FAT2: variants seen among roughly 807,000 people sequenced by gnomAD.
FAT2 encodes the protein protocadherin Fat 2.
A neutral mutation model predicts 295.3 loss-of-function variants in FAT2; 150 were observed. The ratio of observed to expected loss-of-function variants is 0.51; its 90% CI spans 0.44 to 0.58. The LOEUF (loss-of-function observed/expected upper bound fraction) is 0.58. Among genes scored for constraint, FAT2 ranks in the 20% least tolerant of loss-of-function variants. FAT2 has a pLI of 0.00. For missense variants in FAT2, 4,868 were observed against 5,442.7 expected (o/e 0.89, Z 3.32); for synonymous variants, 2,026 against 2,150.3 (o/e 0.94, Z 1.60).
At chr5:151,563,293 A>G (rs1471873247) in intron 3 of FAT2, 32 bp downstream of exon 3, 1 of 1,600,192 alleles carries the variant, frequency 6.2e-7, no homozygotes, top group Non-Finnish European at 8.5e-7. Flanking sequence ...CATTGTAGAG[A>G]TCCCTGTTCA....
chr5:151,545,477 G>GA lies in FAT2; in HGVS notation c.5649_5650insT (p.Pro1884SerfsTer16). The GA allele has an allele frequency of 6.2e-7, 1 of 1,614,178 alleles. No individual in the cohort carries two copies. Among genetic ancestry groups the GA allele is most frequent in the Non-Finnish European group, 8.5e-7 (1 of 1,180,024 alleles). On this transcript the variant is annotated frameshift_variant, in exon 10 of 24. Coordinates refer to ENST00000261800, the MANE Select transcript of FAT2 (RefSeq NM_001447.3). LOFTEE classifies it high-confidence loss of function. Reference sequence around the variant, plus strand: ...AGAAGCTCCATGCCTGGATGGATAGGCCCGACTATTGCTACCTCATATATC... The same window carrying GA: ...AGAAGCTCCATGCCTGGATGGATAGGACCCGACTATTGCTACCTCATATATC...
rs1036815351 is a variant in FAT2, at chr5:151,512,830, G to C, written c.11464-224C>G. The C allele has an allele frequency of 1.8e-6, 1 of 567,660 alleles. No homozygotes were observed. The highest frequency in any genetic ancestry group is 3.1e-6 in the Non-Finnish European group (1 of 318,406). 35.2% of individuals were successfully genotyped at this position (567,660 alleles called of 1,614,324 possible). On this transcript the variant is annotated intron_variant, in intron 20 of 23. Transcript: ENST00000261800. The surrounding 1 kb of genome is among the most constrained non-coding windows in gnomAD (Gnocchi z 4.1). ...CCCCATGGGATGGTCTGGGTAGGGG[G>C]TGACATCTCCATTCACAGATGAGGA...
At chr5:151,534,355 C>T in intron 13 of FAT2, 54 bp downstream of exon 13, 2 of 1,441,234 alleles carry the variant, frequency 1.4e-6, no homozygotes, top group Non-Finnish European at 1.9e-6. Flanking sequence ...CAAACCCTTG[C>T]CCAAGGTGAC....
In FAT2 at chr5:151,566,633, G is replaced by A; in HGVS notation, c.2299C>T (p.Leu767=). ...GCTACAGTGAGCAGCCCTGTCTCCAGCTCTATGTCAAAGCAGCCCTCCTCA... is the reference window on the plus strand; with the variant it reads ...GCTACAGTGAGCAGCCCTGTCTCCAACTCTATGTCAAAGCAGCCCTCCTCA... ...GNEEGCFDIE[L]ETGLLTVAAP... is the part of the protein sequence containing the mutation. Residue 767 remains leucine, a synonymous_variant, in exon 2 of 24, where the codon CTG becomes TTG. Coordinates refer to ENST00000261800, the MANE Select transcript of FAT2 (RefSeq NM_001447.3). 6.2e-7 allele frequency: 1 copy of A among 1,614,136 alleles called. No individual in the cohort carries two copies. The highest frequency in any genetic ancestry group is 8.5e-7 in the Non-Finnish European group (1 of 1,180,032).
intron 1 of FAT2, among the ~76,000 whole-genome samples, chr5:151,569,491 A>C (rs1758439841): frequency 6.6e-6 from 1 of 152,146 alleles, no homozygotes; most frequent in Non-Finnish European, 1.5e-5. Flanking sequence ...TGGGAGCCAC[A>C]ATTCAAGATG....
At position 151,549,459 on chromosome 5, in the gene FAT2, G is replaced by A. The variant is rs574495332; in HGVS notation, c.4625C>T (p.Thr1542Ile). 1 of 1,614,142 alleles carries A rather than the reference G, an allele frequency of 6.2e-7. No individual in the cohort carries two copies. The highest frequency in any genetic ancestry group is 8.5e-7 in the Non-Finnish European group (1 of 1,180,028). Residue 1542 changes from threonine (T) to isoleucine (I), a missense_variant, in exon 9 of 24, where the codon ACC (threonine) becomes ATC (isoleucine). Coordinates refer to ENST00000261800, the MANE Select transcript of FAT2 (RefSeq NM_001447.3). Reference sequence around the variant, plus strand: ...GAGGTTTCCATCCTCCACATGAATGGTCACCCACACGAAGTTCCTCTTGAT... The same window carrying A: ...GAGGTTTCCATCCTCCACATGAATGATCACCCACACGAAGTTCCTCTTGAT... ...IPIKRNFVWV[T>I]IHVEDGNLHP... is the part of the protein sequence containing the mutation.
rs1234012337 is a variant in FAT2 at position 151,529,204 on chromosome 5, C to T, written c.10000G>A (p.Ala3334Thr). 7 of 1,614,002 alleles carry T rather than the reference C, an allele frequency of 4.3e-6. No homozygotes were observed. In the African/African-American group the frequency reaches 8.0e-5, roughly 18 times the overall value. ...GTGAGGATGACGTCACCCACAAGGG[C>T]ATTCTCTAAGACCCTTGTGCTATAT... is the stretch of plus-strand genomic sequence containing the variant. Reference protein sequence around the residue: ...DPYSTRVLENALVGDVILTVS... With the variant: ...DPYSTRVLENTLVGDVILTVS... Residue 3334 changes from alanine (A) to threonine (T), a missense_variant, in exon 15 of 24, where the codon GCC becomes ACC. Ala to Thr is a moderately conservative substitution (Grantham distance 58, BLOSUM62 0). Transcript: ENST00000261800.
chr5:151,569,314 A>G (rs1387586527), intron 1 of FAT2, among the ~76,000 whole-genome samples: 1 of 152,242 alleles, frequency 6.6e-6, no homozygotes, highest in Non-Finnish European at 1.5e-5. Context: ...AAGCAAAGTC[A>G]TATCTTACTT....
chr5:151,584,363 T>G (rs1759087886), intron 1 of FAT2, among the ~76,000 whole-genome samples: 1 of 152,192 alleles, frequency 6.6e-6, no homozygotes, highest in Non-Finnish European at 1.5e-5. Flanking sequence ...TCATTGGGGC[T>G]TACTTCCTGC....
At chr5:151,537,002 A>T (rs985084605) in intron 12 of FAT2, among the ~76,000 whole-genome samples, 2 of 151,288 alleles carry the variant, frequency 1.3e-5, no homozygotes, top group Non-Finnish European at 2.9e-5. Context: ...CCTTTCCCCC[A>T]CTCTCTTACC....
In FAT2 at chr5:151,554,449, G is replaced by A. The variant is rs199632287; in HGVS notation, c.3858C>T (p.Ser1286=). ...NGRVTYSIED[S]DEEAFSIDLV... ...GGTCGATACTGAAGGCCTCCTCATC[G>A]CTGTCCTCGATACTGTAGGTGACTC... The change falls in exon 5 of 24, where the codon AGC becomes AGT. Residue 1286 remains serine (S), a synonymous_variant. Coordinates refer to ENST00000261800, the MANE Select transcript of FAT2 (RefSeq NM_001447.3). The A allele has an allele frequency of 4.5e-5, 72 of 1,614,160 alleles. No homozygotes were observed. Among genetic ancestry groups the A allele is most frequent in the South Asian group, 1.4e-4 (13 of 91,080 alleles).
intron 11 of FAT2, among the ~76,000 whole-genome samples, chr5:151,538,581 G>T (rs759814474): frequency 6.6e-6 from 1 of 152,218 alleles, no homozygotes; most frequent in Non-Finnish European, 1.5e-5. Context: ...TTCAGTGGCT[G>T]GCAGTGAGCC....
intron 1 of FAT2, among the ~76,000 whole-genome samples, chr5:151,585,738 C>T (rs1759143818): frequency 6.6e-6 from 1 of 152,202 alleles, no homozygotes; most frequent in South Asian, 2.1e-4. Flanking sequence ...CTAATATATG[C>T]TTCCAAGAGT....
At chr5:151,539,369 G>A (rs923023579) in intron 11 of FAT2, among the ~76,000 whole-genome samples, 3 of 152,212 alleles carry the variant, frequency 2.0e-5, no homozygotes, top group Non-Finnish European at 4.4e-5. Context: ...CAAGCAAGTC[G>A]AAGTTTGTAT....
At position 151,517,674 on chromosome 5, in the gene FAT2, G is replaced by A; in HGVS notation, c.11409C>T (p.Leu3803=). The A allele has an allele frequency of 6.2e-7, 1 of 1,614,200 alleles. No individual in the cohort carries two copies. The highest frequency in any genetic ancestry group is 1.7e-5 in the Admixed American group (1 of 60,024). Residue 3803 remains leucine (L), a synonymous_variant, in exon 20 of 24, where the codon CTC becomes CTT. Transcript: ENST00000261800. ...TGAATAGAAGAATGGCCTGTGGCTGGAGTGTTTTCAGATAGAAATGGATGT... is the reference window on the plus strand; with the variant it reads ...TGAATAGAAGAATGGCCTGTGGCTGAAGTGTTTTCAGATAGAAATGGATGT... ...NWHIHFYLKT[L]QPQAILLFTN...
chr5:151,551,345 G>T (rs1372161704), intron 7 of FAT2, 122 bp downstream of exon 7: 6 of 1,039,288 alleles, frequency 5.8e-6, no homozygotes, highest in African/African-American at 1.6e-5. Flanking sequence ...CAAGAACTTT[G>T]ATTCTAAATT....
rs1756489631 is a variant in FAT2 at position 151,545,053 on chromosome 5, C to G, written c.6074G>C (p.Gly2025Ala). ...VQSAGVLQTRGVAFDREQQDT... is the reference protein window; with the variant it reads ...VQSAGVLQTRAVAFDREQQDT... ...CTGCTGCTCCCGGTCAAACGCCACACCTCTTGTCTGCAACACACCTGCTGA... is the reference window on the plus strand; with the variant it reads ...CTGCTGCTCCCGGTCAAACGCCACAGCTCTTGTCTGCAACACACCTGCTGA... Residue 2025 changes from glycine (G) to alanine (A), a missense_variant, in exon 10 of 24, where the codon GGT becomes GCT. Physicochemically the swap from Gly to Ala is moderately conservative, Grantham distance 60. Transcript: ENST00000261800. 1 of 1,614,092 alleles carries G rather than the reference C, an allele frequency of 6.2e-7. No individual in the cohort carries two copies. The highest frequency in any genetic ancestry group is 8.5e-7 in the Non-Finnish European group (1 of 1,180,050).
rs757946778 is a variant in FAT2 at position 151,568,351 on chromosome 5, A to G, written c.581T>C (p.Phe194Ser). ...YYAFNTRSEM[F>S]AIHPTSGVVT... Reference sequence around the variant, plus strand: ...CACACCGCTGGTGGGATGGATGGCAAACATCTCTGACCTTGTGTTAAAGGC... The same window carrying G: ...CACACCGCTGGTGGGATGGATGGCAGACATCTCTGACCTTGTGTTAAAGGC... The change falls in exon 2 of 24, where the codon TTT (phenylalanine) becomes TCT (serine). Residue 194 changes from phenylalanine (F) to serine (S), a missense_variant. Phe to Ser is a radical substitution (Grantham distance 155). Transcript: ENST00000261800. 1.2e-6 allele frequency: 2 copies of G among 1,614,174 alleles called. No homozygotes were observed. Among genetic ancestry groups the G allele is most frequent in the Admixed American group, 1.7e-5 (1 of 60,022 alleles).
At chr5:151,550,494 T>C in intron 8 of FAT2, 96 bp downstream of exon 8, 3 of 1,384,960 alleles carry the variant, frequency 2.2e-6, no homozygotes, top group Non-Finnish European at 3.0e-6. Flanking sequence ...ATGGTCCTTA[T>C]GAGGGGAAGG....
Sources: allele counts gnomAD v4.1 joint callset (sites outside exome capture counted in the v4.1 genomes callset), GRCh38; gene constraint gnomAD v4.1.1; non-coding constraint Gnocchi (gnomAD v3.1); transcripts MANE v1.5; gene names NCBI Gene and HGNC (gene_info 2026-07-23, HGNC 2026-07-21).